RAB38: variants seen among roughly 807,000 people sequenced by gnomAD.
The protein encoded by RAB38 is ras-related protein Rab-38.
Under a neutral mutation model 18.4 loss-of-function variants are expected in RAB38, and 15 were observed. The ratio of observed to expected loss-of-function variants is 0.82; its 90% CI spans 0.55 to 1.26. The LOEUF is 1.26. RAB38 is among the 50% of genes most tolerant of loss of function. The pLI is 0.00. For missense variants in RAB38, 294 were observed against 267.4 expected (o/e 1.10, Z -0.69); for synonymous variants, 101 against 104.4 (o/e 0.97, Z 0.20).
At chr11:87,939,050 G>C in the RAB38 span, among the ~76,000 whole-genome samples, 1 of 151,988 alleles carries the variant, frequency 6.6e-6, no homozygotes, top group Admixed American at 6.6e-5. Flanking sequence ...ATCCATTTTA[G>C]AGTATTTGGC....
At chr11:88,155,044 G>A (rs896090976) in intron 1 of RAB38, among the ~76,000 whole-genome samples, 19 of 152,166 alleles carry the variant, frequency 1.2e-4, no homozygotes, top group African/African-American at 2.7e-4. Flanking sequence ...GTTTATAGGC[G>A]GCTACTCTTC....
chr11:88,012,736 A>G, the RAB38 span, among the ~76,000 whole-genome samples: 1 of 152,122 alleles, frequency 6.6e-6, no homozygotes, highest in Non-Finnish European at 1.5e-5. Flanking sequence ...TTCCTCAATT[A>G]TATTTAGTCA....
the RAB38 span, among the ~76,000 whole-genome samples, chr11:88,084,061 A>G: frequency 6.6e-6 from 1 of 151,974 alleles, no homozygotes; most frequent in African/African-American, 2.4e-5. Context: ...AGAATATTAA[A>G]TGAATAAATA....
At chr11:87,890,907 G>A in the RAB38 span, among the ~76,000 whole-genome samples, 137 of 151,842 alleles carry the variant, frequency 9.0e-4, no homozygotes, top group Admixed American at 3.2e-3. Flanking sequence ...GGGAACCCTT[G>A]TTAAAAAAAA....
At chr11:87,891,159 C>T in the RAB38 span, among the ~76,000 whole-genome samples, 1 of 151,824 alleles carries the variant, frequency 6.6e-6, no homozygotes, top group Non-Finnish European at 1.5e-5. Flanking sequence ...TTAGTAAAGA[C>T]AAGTCTTCAT....
chr11:88,003,755 ATATAATATATTGT>A, the RAB38 span, among the ~76,000 whole-genome samples: 37 of 13,922 alleles, frequency 2.7e-3, 5 homozygotes, highest in African/African-American at 0.011. Context: ...TATATAATAT[ATATAATATATTGT>A]ATATATTATA....
At chr11:87,890,637 C>G in the RAB38 span, among the ~76,000 whole-genome samples, 1 of 151,766 alleles carries the variant, frequency 6.6e-6, no homozygotes, top group African/African-American at 2.4e-5. Context: ...TAACTGACTT[C>G]AAACAGGCCG....
chr11:88,155,562 C>T (rs1943115526), intron 1 of RAB38, among the ~76,000 whole-genome samples: 2 of 151,990 alleles, frequency 1.3e-5, no homozygotes. Context: ...AAAATAATTA[C>T]AAAAATTAGA....
At chr11:88,067,936 CACATATATAT>C in the RAB38 span, among the ~76,000 whole-genome samples, 3 of 146,442 alleles carry the variant, frequency 2.0e-5, no homozygotes, top group Non-Finnish European at 4.5e-5. Flanking sequence ...TATACACACA[CACATATATAT>C]ACATATATAT....
At chr11:88,066,832 A>T in the RAB38 span, among the ~76,000 whole-genome samples, 16 of 152,232 alleles carry the variant, frequency 1.1e-4, no homozygotes, top group Non-Finnish European at 7.3e-5. Context: ...TTTTATGTAT[A>T]AAGTTTGATA....
the RAB38 span, among the ~76,000 whole-genome samples, chr11:87,808,260 T>C: frequency 1.3e-5 from 2 of 152,208 alleles, no homozygotes; most frequent in African/African-American, 4.8e-5. Flanking sequence ...TAAGCTCCCA[T>C]GTTTAGTGCA....
the RAB38 span, among the ~76,000 whole-genome samples, chr11:88,025,022 G>C: frequency 6.6e-6 from 1 of 151,772 alleles, no homozygotes; most frequent in African/African-American, 2.4e-5. Context: ...GAGTATAAAT[G>C]GATTGTTTAT....
At chr11:87,886,824 G>GTTTT in the RAB38 span, among the ~76,000 whole-genome samples, 18 of 139,020 alleles carry the variant, frequency 1.3e-4, no homozygotes, top group Non-Finnish European at 1.5e-4. Context: ...TGAAGCACTT[G>GTTTT]TTTTTTTTTT....
At chr11:87,833,324 T>C in the RAB38 span, among the ~76,000 whole-genome samples, 1 of 152,208 alleles carries the variant, frequency 6.6e-6, no homozygotes, top group African/African-American at 2.4e-5. Context: ...AACGGTATTT[T>C]CTCACTCCTG....
At chr11:87,921,209 T>C in the RAB38 span, among the ~76,000 whole-genome samples, 1 of 152,200 alleles carries the variant, frequency 6.6e-6, no homozygotes, top group East Asian at 1.9e-4. Flanking sequence ...AACTTTATGA[T>C]GGTGTGAAAG....
At chr11:88,059,612 C>G in the RAB38 span, among the ~76,000 whole-genome samples, 1 of 152,182 alleles carries the variant, frequency 6.6e-6, no homozygotes, top group Admixed American at 6.5e-5. Flanking sequence ...TTCAGTATTT[C>G]TGTGAGACTA....
the RAB38 span, among the ~76,000 whole-genome samples, chr11:88,011,588 C>T: frequency 6.6e-6 from 1 of 152,234 alleles, no homozygotes; most frequent in East Asian, 1.9e-4. Flanking sequence ...AGCAAGATTT[C>T]CAGAAAATTA....
In RAB38 at chr11:88,172,597, C is replaced by T. The variant is rs369802678; in HGVS notation, c.202+2586G>A. On this transcript the variant is annotated intron_variant, in intron 1 of 2. Transcript: ENST00000243662. Reference sequence around the variant, plus strand: ...CTCCACTACCTGCTCTCTCCGGGGACACACCAGAGTTGAACACTAAGGACG... The same window carrying T: ...CTCCACTACCTGCTCTCTCCGGGGATACACCAGAGTTGAACACTAAGGACG... 2.0e-4 allele frequency among the ~76,000 whole-genome samples: 30 copies of T among 152,296 alleles called. 1 individual carries two copies. The South Asian group carries it at 5.8e-3, about 29-fold the overall frequency.
chr11:88,067,290 G>A, the RAB38 span, among the ~76,000 whole-genome samples: 4 of 146,390 alleles, frequency 2.7e-5, no homozygotes, highest in African/African-American at 5.1e-5. Context: ...ACAAGTTTAC[G>A]TTATTTTATC....
Sources: gnomAD v4.1 joint callset for allele counts (sites outside exome capture counted in the v4.1 genomes callset) on GRCh38, gnomAD v4.1.1 for gene constraint, MANE v1.5 for transcripts, NCBI Gene and HGNC (gene_info 2026-07-23, HGNC 2026-07-21) for gene names.